Variants in DIP2C observed in about 807,000 individuals in gnomAD.
DIP2C encodes the protein disco-interacting protein 2 homolog C.
A neutral mutation model predicts 192.4 loss-of-function variants in DIP2C; 33 were observed. The observed-to-expected ratio is 0.17, with a 90% CI of 0.13 to 0.23. The LOEUF is 0.23. Ranked by LOEUF, DIP2C falls within the 10% of genes least tolerant of loss-of-function variation. DIP2C has a pLI of 1.00. For synonymous variants in DIP2C, 979 were observed against 864.1 expected, an observed-to-expected ratio of 1.13 and a Z score of -2.33; for missense variants, 1,537 against 2,110.1, an observed-to-expected ratio of 0.73 and a Z score of 5.32.
In DIP2C at chr10:349,464, G is replaced by A. The variant is rs771982482; in HGVS notation, c.2986-10C>T. The A allele has an allele frequency of 1.4e-5, 23 of 1,595,672 alleles. No homozygotes were observed. Among genetic ancestry groups the A allele is most frequent in the African/African-American group, 2.7e-5 (2 of 74,768 alleles). ...AGTTCGCTATCGCACCCTGCGGGCC[G>A]ATCACAGGGACAAGCACATAAGATT... On this transcript the variant is annotated splice_polypyrimidine_tract_variant and intron_variant, in intron 24 of 36. Coordinates refer to ENST00000280886, the MANE Select transcript of DIP2C (RefSeq NM_014974.3).
chr10:467,377 G>A (rs1475162939), intron 3 of DIP2C, among the ~76,000 whole-genome samples: 104 of 141,478 alleles, frequency 7.4e-4, no homozygotes, highest in Non-Finnish European at 1.4e-3. Context: ...TCTGGGGACT[G>A]TGGTGGGGTG....
chr10:597,946 C>T (rs1351349541), intron 1 of DIP2C, among the ~76,000 whole-genome samples: 4 of 152,204 alleles, frequency 2.6e-5, no homozygotes, highest in African/African-American at 9.7e-5. Context: ...CCCATCTGTC[C>T]ACTCTTCCCT....
At chr10:349,496 G>A in intron 24 of DIP2C, 42 bp from the exon 25 acceptor site, 1 of 1,578,510 alleles carries the variant, frequency 6.3e-7, no homozygotes, top group Non-Finnish European at 8.6e-7. Context: ...GATTCCTTCA[G>A]CAGAGCAGCT....
Position 309,582 on chromosome 10 carries a change from G to A in DIP2C, c.3986+449C>T, listed in dbSNP as rs188710584. 2.0e-3 allele frequency among the ~76,000 whole-genome samples: 287 copies of A among 146,046 alleles called. 1 individual carries two copies. Among genetic ancestry groups the A allele is most frequent in the Middle Eastern group, 7.1e-3 (2 of 282 alleles). On this transcript the variant is annotated intron_variant, in intron 32 of 36. Transcript: ENST00000280886. Reference sequence around the variant, plus strand: ...TTTCTTTTTTTTTTTTTTTTGAGACGGGATCTCACTCTGTCACCCAGGCTG... The same window carrying A: ...TTTCTTTTTTTTTTTTTTTTGAGACAGGATCTCACTCTGTCACCCAGGCTG...
chr10:661,160 C>T (rs1286585488), intron 1 of DIP2C, among the ~76,000 whole-genome samples: 2 of 152,202 alleles, frequency 1.3e-5, no homozygotes, highest in Admixed American at 6.5e-5. Context: ...AGGCTTGAGG[C>T]CCCTGGGATC....
Position 519,731 on chromosome 10 carries a change from C to A in DIP2C, c.86-33201G>T, listed in dbSNP as rs943031663. 3.9e-5 allele frequency among the ~76,000 whole-genome samples: 6 copies of A among 152,242 alleles called. No homozygotes were observed. The South Asian group carries it at 6.2e-4, about 16-fold the overall frequency. ...ACCTGAGCTCATTAGGGACAGAAAC[C>A]GTCTCCTGCTCATCGCTAACACTTT... On this transcript the variant is annotated intron_variant, in intron 1 of 36. Transcript: ENST00000280886.
intron 1 of DIP2C, among the ~76,000 whole-genome samples, chr10:626,456 G>A (rs1027213295): frequency 3.3e-5 from 5 of 150,436 alleles, no homozygotes; most frequent in African/African-American, 4.9e-5. Flanking sequence ...CCCCGTCCCC[G>A]GAGTTACCCT....
Position 422,831 on chromosome 10 carries a change from G to C in DIP2C, c.597C>G (p.Thr199=). 6.2e-7 allele frequency: 1 copy of C among 1,611,662 alleles called. No individual in the cohort carries two copies. The highest frequency in any genetic ancestry group is 8.5e-7 in the Non-Finnish European group (1 of 1,179,850). Residue 199 remains threonine (T), a synonymous_variant, in exon 5 of 37, where the codon ACC becomes ACG. Coordinates refer to ENST00000280886, the MANE Select transcript of DIP2C (RefSeq NM_014974.3). ...AHRLADVMAQ[T]HIENHSAPPD... ...ACCGTGAAGCGTGCTCACCTATGTGGGTCTGAGCCATGACGTCCGCCAGCC... is the reference window on the plus strand; with the variant it reads ...ACCGTGAAGCGTGCTCACCTATGTGCGTCTGAGCCATGACGTCCGCCAGCC...
chr10:529,791 A>AT lies in DIP2C; in HGVS notation c.86-43262dup, dbSNP rs1024059454. On this transcript the variant is annotated intron_variant, in intron 1 of 36. Coordinates refer to ENST00000280886, the MANE Select transcript of DIP2C (RefSeq NM_014974.3). ...CTATGGAAAGGTTTAGCTTGCTTTTATTTTTTTAGGTGGAGTCTCACTCTG... is the reference window on the plus strand; with the variant it reads ...CTATGGAAAGGTTTAGCTTGCTTTTATTTTTTTTAGGTGGAGTCTCACTCTG... Among the ~76,000 whole-genome samples the AT allele has an allele frequency of 1.4e-4, 21 of 151,624 alleles. No individual in the cohort carries two copies. In the East Asian group the frequency reaches 3.3e-3, roughly 24 times the overall value.
At chr10:674,447 C>A (rs924635116) in intron 1 of DIP2C, among the ~76,000 whole-genome samples, 20 of 152,034 alleles carry the variant, frequency 1.3e-4, no homozygotes, top group Non-Finnish European at 8.8e-5. Context: ...CAACAAAGCA[C>A]CCAGATATAT....
At chr10:638,835 G>C (rs1279765704) in intron 1 of DIP2C, among the ~76,000 whole-genome samples, 1 of 152,216 alleles carries the variant, frequency 6.6e-6, no homozygotes, top group Non-Finnish European at 1.5e-5. Context: ...ATGGAAAGAG[G>C]TGCCCGCGAA....
intron 1 of DIP2C, among the ~76,000 whole-genome samples, chr10:622,060 T>C (rs1431001188): frequency 6.6e-6 from 1 of 151,402 alleles, no homozygotes; most frequent in Non-Finnish European, 1.5e-5. Flanking sequence ...CATTGAGCAT[T>C]GTTTCCCTTT....
intron 1 of DIP2C, among the ~76,000 whole-genome samples, chr10:519,444 G>A (rs372303852): frequency 2.0e-5 from 3 of 152,160 alleles, no homozygotes; most frequent in East Asian, 1.9e-4. Flanking sequence ...CCTGAGTGCT[G>A]ACCCCGCGTG....
intron 18 of DIP2C, 49 bp from the exon 19 acceptor site, chr10:366,460 G>A: frequency 6.2e-7 from 1 of 1,611,204 alleles, no homozygotes; most frequent in Non-Finnish European, 8.5e-7. Context: ...GGCAGGTGGG[G>A]AGAATAAAGG....
At chr10:426,852 C>T (rs1415962653) in intron 4 of DIP2C, among the ~76,000 whole-genome samples, 1 of 151,172 alleles carries the variant, frequency 6.6e-6, no homozygotes, top group Non-Finnish European at 1.5e-5. Context: ...CAAACCACAA[C>T]AAACAAACAA....
chr10:513,949 C>G (rs556523896), intron 1 of DIP2C, among the ~76,000 whole-genome samples: 2 of 152,312 alleles, frequency 1.3e-5, no homozygotes, highest in East Asian at 1.9e-4. Context: ...ATCCAAAAAG[C>G]AGAAAAAACA....
chr10:347,779 G>A (rs112557805), intron 26 of DIP2C, among the ~76,000 whole-genome samples: 2 of 144,800 alleles, frequency 1.4e-5, no homozygotes, highest in African/African-American at 2.6e-5. Context: ...GACACATCGC[G>A]CATAGTTCTC....
rs189307199 is a variant in DIP2C, at chr10:382,480, A to G, written c.1991+167T>C. The G allele has an allele frequency of 5.1e-6, 3 of 589,236 alleles. No homozygotes were observed. The East Asian group carries it at 8.5e-5, about 17-fold the overall frequency. 36.5% of individuals were successfully genotyped at this position (589,236 alleles called of 1,614,324 possible). ...TTAATGAATGAATCTAGGCTGTTCA[A>G]AAGAATCTGTTCCAGCACATAAAAA... On this transcript the variant is annotated intron_variant, in intron 17 of 36. Coordinates refer to ENST00000280886, the MANE Select transcript of DIP2C (RefSeq NM_014974.3).
At chr10:575,639 G>A (rs1291081553) in intron 1 of DIP2C, among the ~76,000 whole-genome samples, 1 of 152,210 alleles carries the variant, frequency 6.6e-6, no homozygotes, top group African/African-American at 2.4e-5. Flanking sequence ...TTCCAGACAT[G>A]ACATCCAAGA....
Sources: gnomAD v4.1 joint callset for allele counts (sites outside exome capture counted in the v4.1 genomes callset) on GRCh38, gnomAD v4.1.1 for gene constraint, MANE v1.5 for transcripts, NCBI Gene and HGNC (gene_info 2026-07-23, HGNC 2026-07-21) for gene names.